Variants in NCAM2 observed in about 807,000 individuals in gnomAD.
NCAM2 encodes N-CAM-2.
A neutral mutation model predicts 98.1 loss-of-function variants in NCAM2; 30 were observed. The observed-to-expected ratio is 0.31, with a 90% CI of 0.23 to 0.41. The LOEUF (loss-of-function observed/expected upper bound fraction) is 0.41. Among genes scored for constraint, NCAM2 ranks in the 10% least tolerant of loss-of-function variants. The probability of loss-of-function intolerance (pLI) is 1.00; values close to 1 mark genes in which losing one functional copy is unlikely to be tolerated. For synonymous variants in NCAM2, 368 were observed against 342.4 expected, an observed-to-expected ratio of 1.07 and a Z score of -0.83; for missense variants, 867 against 1,005.8, an observed-to-expected ratio of 0.86 and a Z score of 1.87.
At chr21:21,193,913 TATTGA>T (rs2068914140) in intron 1 of NCAM2, among the ~76,000 whole-genome samples, 1 of 152,216 alleles carries the variant, frequency 6.6e-6, no homozygotes, top group African/African-American at 2.4e-5. Flanking sequence ...TAAATATGGG[TATTGA>T]ATTTAAAATG....
At position 21,479,138 on chromosome 21, in the gene NCAM2, ATTAAC is replaced by A. The variant is rs372720633; in HGVS notation, c.2077+1672_2077+1676del. On this transcript the variant is annotated intron_variant, in intron 15 of 17. Coordinates refer to ENST00000400546, the MANE Select transcript of NCAM2 (RefSeq NM_004540.5). ...GTGTATATATTTTGAAACATAATGA[ATTAAC>A]TTAATCCGTTTAATTTAATAATGTA... 2.7e-3 allele frequency among the ~76,000 whole-genome samples: 403 copies of A among 148,362 alleles called. 2 individuals are homozygous for A. The highest frequency in any genetic ancestry group is 9.6e-3 in the African/African-American group (388 of 40,564).
At chr21:21,030,972 C>T (rs1194735546) in intron 1 of NCAM2, among the ~76,000 whole-genome samples, 1 of 152,014 alleles carries the variant, frequency 6.6e-6, no homozygotes, top group Non-Finnish European at 1.5e-5. Context: ...ATGACAAGGG[C>T]TCAGGTGAAT....
chr21:21,398,544 A>C (rs1470491952), intron 9 of NCAM2, among the ~76,000 whole-genome samples: 1 of 152,236 alleles, frequency 6.6e-6, no homozygotes, highest in East Asian at 1.9e-4. Flanking sequence ...AAATGTATGC[A>C]AGGTCACAAA....
intron 15 of NCAM2, among the ~76,000 whole-genome samples, chr21:21,505,041 C>A (rs1465637209): frequency 6.6e-6 from 1 of 151,798 alleles, no homozygotes; most frequent in African/African-American, 2.4e-5. Flanking sequence ...TTAACACAAA[C>A]CTATTTGAAG....
intron 1 of NCAM2, among the ~76,000 whole-genome samples, chr21:21,037,856 T>G (rs1214153597): frequency 1.3e-5 from 2 of 152,166 alleles, no homozygotes; most frequent in African/African-American, 4.8e-5. Flanking sequence ...GGAACATACA[T>G]GGAAGAATGG....
chr21:21,209,679 A>C (rs1178602099), intron 1 of NCAM2, among the ~76,000 whole-genome samples: 2 of 141,096 alleles, frequency 1.4e-5, no homozygotes, highest in Non-Finnish European at 3.3e-5. Flanking sequence ...ATAGTCTGCT[A>C]TCATGAAAGC....
At chr21:21,144,797 A>C (rs746341364) in intron 1 of NCAM2, among the ~76,000 whole-genome samples, 1 of 152,172 alleles carries the variant, frequency 6.6e-6, no homozygotes, top group South Asian at 2.1e-4. Context: ...AAGACTAGGA[A>C]ATCTAGTCTT....
At chr21:21,031,183 G>A (rs1292920866) in intron 1 of NCAM2, among the ~76,000 whole-genome samples, 1 of 152,122 alleles carries the variant, frequency 6.6e-6, no homozygotes, top group Non-Finnish European at 1.5e-5. Context: ...CTCTGTTGAG[G>A]TCTGGAAGCT....
At chr21:21,381,223 A>G (rs2076147285) in intron 9 of NCAM2, among the ~76,000 whole-genome samples, 1 of 152,158 alleles carries the variant, frequency 6.6e-6, no homozygotes, top group East Asian at 1.9e-4. Context: ...GTAAACCATG[A>G]AAAATGTAAA....
intron 1 of NCAM2, among the ~76,000 whole-genome samples, chr21:21,125,060 T>A (rs2066759483): frequency 6.6e-6 from 1 of 152,100 alleles, no homozygotes; most frequent in African/African-American, 2.4e-5. Context: ...TTATTACATA[T>A]ACTATTACCT....
At chr21:21,368,543 C>T (rs1363460074) in intron 8 of NCAM2, among the ~76,000 whole-genome samples, 1 of 151,788 alleles carries the variant, frequency 6.6e-6, no homozygotes, top group African/African-American at 2.4e-5. Context: ...CTGGGAAGTC[C>T]AAAATCAAGG....
Position 20,998,570 on chromosome 21 carries a change from C to A in NCAM2, c.7C>A (p.Leu3Ile), listed in dbSNP as rs1366914751. MS[L>I]LLSFYLLGLL... Reference sequence around the variant, plus strand: ...CCGGTGTCACGTCCTGAACATGAGCCTCCTCCTCTCCTTCTACCTGCTGGG... The same window carrying A: ...CCGGTGTCACGTCCTGAACATGAGCATCCTCCTCTCCTTCTACCTGCTGGG... The change falls in exon 1 of 18, where the codon CTC (leucine) becomes ATC (isoleucine). Residue 3 changes from leucine to isoleucine, a missense_variant. Leu to Ile is a conservative substitution (Grantham distance 5). Around this residue, in one of 5 missense-constraint regions of NCAM2, gnomAD observed 447 missense variants for 495.7 expected, o/e 0.90. Transcript: ENST00000400546. 1.2e-6 allele frequency: 2 copies of A among 1,613,928 alleles called. No homozygotes were observed. Among genetic ancestry groups the A allele is most frequent in the African/African-American group, 2.7e-5 (2 of 74,928 alleles).
At chr21:21,162,143 A>G (rs1012973474) in intron 1 of NCAM2, among the ~76,000 whole-genome samples, 1 of 152,124 alleles carries the variant, frequency 6.6e-6, no homozygotes, top group Non-Finnish European at 1.5e-5. Flanking sequence ...TTCACCTCAT[A>G]GTACTTAAAG....
intron 9 of NCAM2, among the ~76,000 whole-genome samples, chr21:21,375,750 A>G (rs976023882): frequency 2.0e-5 from 3 of 151,702 alleles, no homozygotes; most frequent in African/African-American, 4.8e-5. Context: ...AAATGAAGAA[A>G]AAAAAAACTT....
intron 15 of NCAM2, among the ~76,000 whole-genome samples, chr21:21,492,614 G>C (rs2146311741): frequency 6.6e-6 from 1 of 151,802 alleles, no homozygotes; most frequent in South Asian, 2.1e-4. Context: ...GTAGAGATAG[G>C]TAATTTTTAA....
At chr21:21,103,912 C>T (rs2066293621) in intron 1 of NCAM2, among the ~76,000 whole-genome samples, 1 of 151,920 alleles carries the variant, frequency 6.6e-6, no homozygotes, top group Admixed American at 6.6e-5. Context: ...ATGTTAGTAC[C>T]ATTTATCTGA....
chr21:21,239,191 G>A (rs1424489118), intron 1 of NCAM2, among the ~76,000 whole-genome samples: 1 of 152,142 alleles, frequency 6.6e-6, no homozygotes, highest in East Asian at 1.9e-4. Context: ...AATGCTAAAA[G>A]GGTTGGCCAG....
At position 21,133,332 on chromosome 21, in the gene NCAM2, G is replaced by A. The variant is rs187271714; in HGVS notation, c.55+134714G>A. Among the ~76,000 whole-genome samples the A allele has an allele frequency of 3.0e-3, 458 of 152,316 alleles. 3 individuals are homozygous for A. The highest frequency in any genetic ancestry group is 0.011 in the African/African-American group (438 of 41,572). ...ATGGAGTTTACACTAACACTCGGAA[G>A]TAGCAGCCATATCTGGGATATTGAC... is the stretch of plus-strand genomic sequence containing the variant. On this transcript the variant is annotated intron_variant, in intron 1 of 17. Transcript: ENST00000400546.
chr21:21,507,296 A>G (rs141924497), intron 15 of NCAM2, among the ~76,000 whole-genome samples: 1 of 152,178 alleles, frequency 6.6e-6, no homozygotes, highest in Admixed American at 6.5e-5. Flanking sequence ...AAAATATTAA[A>G]CCTAAGTTTA....
Sources: gnomAD v4.1 joint callset for allele counts (sites outside exome capture counted in the v4.1 genomes callset) on GRCh38, gnomAD v4.1.1 for gene constraint, gnomAD v4.1.1 regional missense constraint, MANE v1.5 for transcripts, NCBI Gene and HGNC (gene_info 2026-07-23, HGNC 2026-07-21) for gene names.